Variants in LIPA observed in about 807,000 individuals in gnomAD.
LIPA encodes lysosomal acid lipase/cholesteryl ester hydrolase.
A neutral mutation model predicts 40.6 loss-of-function variants in LIPA; 26 were observed. The observed-to-expected ratio is 0.64, with a 90% confidence interval of 0.47 to 0.89. LIPA has a LOEUF of 0.89. Among genes scored for constraint, LIPA ranks in the 40% least tolerant of loss-of-function variants. LIPA has a pLI of 0.00. For synonymous variants in LIPA, 188 were observed against 168.4 expected, an observed-to-expected ratio of 1.12 and a Z score of -0.90; for missense variants, 455 against 479.6, an observed-to-expected ratio of 0.95 and a Z score of 0.48.
chr10:89,383,160 C>T (rs1235357074), intron 2 of LIPA, among the ~76,000 whole-genome samples: 1 of 152,220 alleles, frequency 6.6e-6, no homozygotes, highest in Non-Finnish European at 1.5e-5. Context: ...TCAACCTGTT[C>T]TCTTTCCTAA....
intron 1 of LIPA, among the ~76,000 whole-genome samples, chr10:89,413,410 T>C (rs1841493194): frequency 6.6e-6 from 1 of 152,160 alleles, no homozygotes; most frequent in Non-Finnish European, 1.5e-5. Flanking sequence ...AGAAGCTCAG[T>C]GATCAAGGTA....
At chr10:89,358,147 C>G (rs1411546748) in intron 2 of LIPA, among the ~76,000 whole-genome samples, 1 of 152,166 alleles carries the variant, frequency 6.6e-6, no homozygotes, top group Non-Finnish European at 1.5e-5. Flanking sequence ...TCTATTAGTT[C>G]CTCCATGTGG....
Position 89,363,796 on chromosome 10 carries a change from A to AG in LIPA, c.61+48994dup, listed in dbSNP as rs1324419957. Among the ~76,000 whole-genome samples, 576 of 136,208 alleles carry AG rather than the reference A, an allele frequency of 4.2e-3. 4 individuals carry two copies. Among genetic ancestry groups the AG allele is most frequent in the African/African-American group, 0.014 (522 of 36,828 alleles). The allele number at this position is 136,208 out of a possible 152,430, so 89.4% of individuals were successfully genotyped here. A position where few individuals can be genotyped will look rare whatever the true frequency, so the allele number is the denominator to read the frequency against. On this transcript the variant is annotated intron_variant, in intron 2 of 8. Coordinates refer to the LIPA transcript ENST00000371837. The stretch of plus-strand genomic sequence containing the variant: ...CATCAAAAAAAAAAAAAAAAAAGCG[A>AG]GGGGGGGCGGGTGTGGCTAAATATA...
intron 2 of LIPA, chr10:89,384,789 C>A: frequency 7.2e-7 from 1 of 1,396,892 alleles, no homozygotes; most frequent in Non-Finnish European, 9.8e-7. Context: ...AATAGAATGA[C>A]TATGAAATTA....
chr10:89,221,583 T>G (rs1393840739), intron 8 of LIPA, among the ~76,000 whole-genome samples: 1 of 152,194 alleles, frequency 6.6e-6, no homozygotes, highest in Non-Finnish European at 1.5e-5. Context: ...GAAATTACTA[T>G]TCAAGACACC....
intron 1 of LIPA, among the ~76,000 whole-genome samples, chr10:89,315,927 T>A (rs181847479): frequency 2.8e-4 from 42 of 152,308 alleles, no homozygotes; most frequent in South Asian, 2.3e-3. Context: ...TATTTTTTTT[T>A]ATTATACTTT....
intron 1 of LIPA, chr10:89,339,608 C>T (rs1341809117): frequency 1.6e-5 from 26 of 1,613,990 alleles, no homozygotes; most frequent in African/African-American, 5.3e-5. Flanking sequence ...ATGGACTATT[C>T]GAATAAAGCT....
At chr10:89,347,607 T>A (rs1022023863), upstream of LIPA, among the ~76,000 whole-genome samples, 7 of 152,346 alleles carry the variant, frequency 4.6e-5, no homozygotes, top group Admixed American at 1.3e-4. Context: ...ATTTCTAGGA[T>A]CTCTGTCAGT....
chr10:89,237,072 G>A (rs981697746), intron 3 of LIPA, among the ~76,000 whole-genome samples: 4 of 152,112 alleles, frequency 2.6e-5, no homozygotes, highest in Non-Finnish European at 5.9e-5. Flanking sequence ...CCAGGTGTTC[G>A]AAACCAGTCT....
upstream of LIPA, among the ~76,000 whole-genome samples, chr10:89,252,962 G>T (rs1215514046): frequency 6.6e-6 from 1 of 152,178 alleles, no homozygotes; most frequent in East Asian, 1.9e-4. Flanking sequence ...AGGTACAAAG[G>T]CCCTGTGGTA....
intron 1 of LIPA, among the ~76,000 whole-genome samples, chr10:89,271,639 A>T (rs553543835): frequency 1.3e-5 from 2 of 152,330 alleles, no homozygotes; most frequent in African/African-American, 4.8e-5. Context: ...AAACAATTCA[A>T]TGCAGTGAGG....
intron 2 of LIPA, chr10:89,383,762 C>G (rs141939113): frequency 6.2e-7 from 1 of 1,614,058 alleles, no homozygotes; most frequent in Non-Finnish European, 8.5e-7. Context: ...TGGGCCTTGG[C>G]GAAGTGTGGT....
chr10:89,407,235 T>C lies in LIPA; in HGVS notation c.61+5556A>G, dbSNP rs986930813. The stretch of plus-strand genomic sequence containing the variant: ...TCATGTCGCCCAAGTGAGACTCACC[T>C]ATCTATTCTATCTACCCTAACCCTT... On this transcript the variant is annotated intron_variant, in intron 2 of 8. Transcript: ENST00000371837. 2.1e-4 allele frequency among the ~76,000 whole-genome samples: 32 copies of C among 152,320 alleles called. No individual in the cohort carries two copies. The East Asian group carries it at 5.2e-3, about 25-fold the overall frequency.
At chr10:89,293,714 G>GAGAGAGAT (rs869218412) in intron 1 of LIPA, 23 of 149,462 alleles carry the variant, frequency 1.5e-4, no homozygotes, top group East Asian at 3.9e-4. Flanking sequence ...GAGAGAGAGA[G>GAGAGAGAT]ATATCTGAGG....
chr10:89,413,704 C>G (rs998453305), intron 1 of LIPA, among the ~76,000 whole-genome samples: 1 of 149,738 alleles, frequency 6.7e-6, no homozygotes, highest in Non-Finnish European at 1.5e-5. Flanking sequence ...AAGGTTGAGG[C>G]TGCAGTGAGC....
chr10:89,285,278 C>CT (rs1245029502), intron 1 of LIPA: 1 of 153,958 alleles, frequency 6.5e-6, no homozygotes, highest in Admixed American at 6.5e-5. Flanking sequence ...AGTGGCCTGT[C>CT]TTTACTCTCT....
chr10:89,219,768 C>T (rs888460799), intron 8 of LIPA, among the ~76,000 whole-genome samples: 2 of 152,150 alleles, frequency 1.3e-5, no homozygotes, highest in African/African-American at 4.8e-5. Flanking sequence ...GGAGGGAAAG[C>T]CAAAGGGAAG....
chr10:89,231,490 T>A (rs1842842124), intron 3 of LIPA, among the ~76,000 whole-genome samples: 1 of 151,476 alleles, frequency 6.6e-6, no homozygotes, highest in East Asian at 1.9e-4. Context: ...TTTTTTTTTT[T>A]AAGAGAGAAA....
intron 1 of LIPA, among the ~76,000 whole-genome samples, chr10:89,328,626 T>C (rs1166457322): frequency 6.6e-6 from 1 of 152,214 alleles, no homozygotes; most frequent in African/African-American, 2.4e-5. Context: ...TGCATTACTT[T>C]AAGGTGGGAA....
Sources: gnomAD v4.1 joint callset for allele counts (sites outside exome capture counted in the v4.1 genomes callset) on GRCh38, gnomAD v4.1.1 for gene constraint, MANE v1.5 for transcripts, NCBI Gene and HGNC (gene_info 2026-07-23, HGNC 2026-07-21) for gene names.